The following TNPO1 variants were observed in gnomAD, a reference collection of about 807,000 sequenced individuals.
The protein encoded by TNPO1 is transportin-1.
Under a neutral mutation model 119.5 loss-of-function variants are expected in TNPO1, and 8 were observed. The ratio of observed to expected loss-of-function variants is 0.07; its 90% confidence interval spans 0.04 to 0.12. The LOEUF is 0.12. Among genes scored for constraint, TNPO1 ranks in the 10% least tolerant of loss-of-function variants. TNPO1 has a pLI of 1.00. For missense variants in TNPO1, 576 were observed against 1,089.8 expected, an observed-to-expected ratio of 0.53 and a Z score of 6.64; for synonymous variants, 362 against 363.0, an observed-to-expected ratio of 1.00 and a Z score of 0.03.
intron 1 of TNPO1, among the ~76,000 whole-genome samples, chr5:72,825,511 C>T (rs1744165842): frequency 6.6e-6 from 1 of 152,150 alleles, no homozygotes. Context: ...AACCGTGAAA[C>T]CCTGTCTCTA....
intron 24 of TNPO1, among the ~76,000 whole-genome samples, chr5:72,905,974 A>AT (rs1265357056): frequency 3.2e-4 from 49 of 152,202 alleles, no homozygotes; most frequent in Non-Finnish European, 5.9e-5. Flanking sequence ...CAGAAAAACG[A>AT]TTAGCTCCAG....
chr5:72,890,724 CA>C (rs1211620893), intron 14 of TNPO1, among the ~76,000 whole-genome samples: 1 of 152,096 alleles, frequency 6.6e-6, no homozygotes, highest in Non-Finnish European at 1.5e-5. Context: ...TTTTATGGAT[CA>C]TTCTTTAGTT....
At chr5:72,881,358 C>G (rs1383229364) in intron 9 of TNPO1, among the ~76,000 whole-genome samples, 1 of 152,168 alleles carries the variant, frequency 6.6e-6, no homozygotes, top group African/African-American at 2.4e-5. Context: ...ATCCGCTCGC[C>G]TCGACCTAAT....
intron 1 of TNPO1, 160 bp downstream of exon 1, chr5:72,816,912 C>T (rs1205363981): frequency 5.8e-6 from 5 of 861,754 alleles, no homozygotes; most frequent in Non-Finnish European, 8.3e-6. Flanking sequence ...CGGCGCGGTT[C>T]TAACCCCAAC....
intron 1 of TNPO1, among the ~76,000 whole-genome samples, chr5:72,823,209 G>A (rs1233267796): frequency 6.6e-6 from 1 of 151,978 alleles, no homozygotes; most frequent in Non-Finnish European, 1.5e-5. Context: ...TCTGTCATGA[G>A]TCTTCTTACT....
At chr5:72,841,367 C>T (rs1348576253) in intron 1 of TNPO1, among the ~76,000 whole-genome samples, 1 of 152,204 alleles carries the variant, frequency 6.6e-6, no homozygotes. Flanking sequence ...GATCCACCCG[C>T]CTCAGCCTCC....
In TNPO1 at chr5:72,864,409, T is replaced by C. The variant is rs187046831; in HGVS notation, c.463-1187T>C. Among the ~76,000 whole-genome samples, 3 of 152,268 alleles carry C rather than the reference T, an allele frequency of 2.0e-5. No homozygotes were observed. The East Asian group carries it at 5.8e-4, about 29-fold the overall frequency. On this transcript the variant is annotated intron_variant, in intron 5 of 24. Transcript: ENST00000337273. Reference sequence around the variant, plus strand: ...TTGCCGCTGATGGAATTATATAGTATAAACAGTAAAGTAGGTGGGTGGGTA... The same window carrying C: ...TTGCCGCTGATGGAATTATATAGTACAAACAGTAAAGTAGGTGGGTGGGTA...
chr5:72,829,352 A>G (rs1346859298), intron 1 of TNPO1, among the ~76,000 whole-genome samples: 5 of 152,354 alleles, frequency 3.3e-5, no homozygotes, highest in East Asian at 3.9e-4. Context: ...TGTCTCCAAC[A>G]TTTTCAACCA....
In TNPO1 at chr5:72,844,055, G is replaced by A. The variant is rs763259148; in HGVS notation, c.16-4330G>A. On this transcript the variant is annotated intron_variant, in intron 1 of 24. Coordinates refer to ENST00000337273, the MANE Select transcript of TNPO1 (RefSeq NM_002270.4). ...TTGAATTAATAGCAACAACAATAGC[G>A]TTTATTCAACAAGTATTTGTTGAAT... Among the ~76,000 whole-genome samples the A allele has an allele frequency of 3.3e-5, 5 of 152,146 alleles. No individual in the cohort carries two copies. In the South Asian group the frequency reaches 6.2e-4, roughly 19 times the overall value.
chr5:72,835,123 G>A (rs555461074), intron 1 of TNPO1, among the ~76,000 whole-genome samples: 1 of 152,148 alleles, frequency 6.6e-6, no homozygotes, highest in Non-Finnish European at 1.5e-5. Context: ...CAACAACAAG[G>A]AAATTGCCTA....
intron 6 of TNPO1, among the ~76,000 whole-genome samples, chr5:72,866,169 T>C (rs550288672): frequency 6.6e-6 from 1 of 152,328 alleles, no homozygotes; most frequent in Non-Finnish European, 1.5e-5. Flanking sequence ...GTGGTAACCA[T>C]AGTACCCATT....
chr5:72,827,750 C>CA (rs200889816), intron 1 of TNPO1, among the ~76,000 whole-genome samples: 1 of 151,428 alleles, frequency 6.6e-6, no homozygotes, highest in Non-Finnish European at 1.5e-5. Context: ...CCTGTCTCCA[C>CA]AAAAAAATTT....
chr5:72,867,185 C>T (rs918440935), intron 6 of TNPO1, among the ~76,000 whole-genome samples: 1 of 151,758 alleles, frequency 6.6e-6, no homozygotes, highest in African/African-American at 2.4e-5. Context: ...AAAAAAATTC[C>T]TTTCCATGAA....
chr5:72,843,388 G>A (rs556713026), intron 1 of TNPO1, among the ~76,000 whole-genome samples: 12 of 152,230 alleles, frequency 7.9e-5, no homozygotes, highest in African/African-American at 1.9e-4. Flanking sequence ...GAGGTCAGGA[G>A]TTCCAGACCA....
intron 14 of TNPO1, among the ~76,000 whole-genome samples, chr5:72,890,658 T>G (rs1478555351): frequency 6.6e-6 from 1 of 152,172 alleles, no homozygotes; most frequent in Non-Finnish European, 1.5e-5. Flanking sequence ...GGGGGTTTGT[T>G]TTCTGAATGT....
In TNPO1 at chr5:72,893,803, A is replaced by G. The variant is rs1403938045; in HGVS notation, c.2143+100A>G. The G allele has an allele frequency of 2.2e-5, 24 of 1,103,066 alleles. 1 individual carries two copies. The highest frequency in any genetic ancestry group is 3.1e-5 in the Non-Finnish European group (23 of 744,710). 68.3% of individuals were successfully genotyped at this position (1,103,066 alleles called of 1,614,324 possible). Reference sequence around the variant, plus strand: ...TAAACTGAAATTGCATGGAATCCCAACATTTATAAATGTACACTTTATTGG... The same window carrying G: ...TAAACTGAAATTGCATGGAATCCCAGCATTTATAAATGTACACTTTATTGG... On this transcript the variant is annotated intron_variant, in intron 18 of 24. Coordinates refer to ENST00000337273, the MANE Select transcript of TNPO1 (RefSeq NM_002270.4).
chr5:72,890,624 T>C (rs1402750479), intron 14 of TNPO1, among the ~76,000 whole-genome samples: 1 of 152,136 alleles, frequency 6.6e-6, no homozygotes. Flanking sequence ...TGCTTTGCTG[T>C]TGGTTGTTTG....
At chr5:72,821,123 ATG>A (rs990510122) in intron 1 of TNPO1, among the ~76,000 whole-genome samples, 1 of 152,224 alleles carries the variant, frequency 6.6e-6, no homozygotes, top group African/African-American at 2.4e-5. Flanking sequence ...GCAAAAAAAT[ATG>A]TGTTTCACAT....
At position 72,835,513 on chromosome 5, in the gene TNPO1, T is replaced by C. The variant is rs577166696; in HGVS notation, c.16-12872T>C. On this transcript the variant is annotated intron_variant, in intron 1 of 24. Coordinates refer to ENST00000337273, the MANE Select transcript of TNPO1 (RefSeq NM_002270.4). Reference sequence around the variant, plus strand: ...GACGAAGGGATGTGCCCTCACATGGTGGAAGGGGAGCAGAAAGGCCAAACT... The same window carrying C: ...GACGAAGGGATGTGCCCTCACATGGCGGAAGGGGAGCAGAAAGGCCAAACT... 2.6e-5 allele frequency among the ~76,000 whole-genome samples: 4 copies of C among 152,218 alleles called. No homozygotes were observed. The South Asian group carries it at 8.3e-4, about 32-fold the overall frequency.
Sources: allele counts gnomAD v4.1 joint callset (sites outside exome capture counted in the v4.1 genomes callset), GRCh38; gene constraint gnomAD v4.1.1; transcripts MANE v1.5; gene names NCBI Gene and HGNC (gene_info 2026-07-23, HGNC 2026-07-21).